Variants in DRD2 observed in about 807,000 individuals in gnomAD.
The protein encoded by DRD2 is dopamine receptor D2.
A neutral mutation model predicts 38.0 loss-of-function variants in DRD2; 8 were observed. The ratio of observed to expected loss-of-function variants is 0.21; its 90% CI spans 0.12 to 0.38. DRD2 has a LOEUF of 0.38. DRD2 is among the 10% of genes least tolerant of loss of function. DRD2 has a pLI of 1.00. For missense variants in DRD2, 403 were observed against 607.7 expected (o/e 0.66, Z 3.54); for synonymous variants, 230 against 238.6 (o/e 0.96, Z 0.33).
chr11:113,468,414 G>A (rs552951801), intron 1 of DRD2, among the ~76,000 whole-genome samples: 100 of 152,300 alleles, frequency 6.6e-4, no homozygotes, highest in African/African-American at 2.2e-3. Flanking sequence ...AGGTGAACAC[G>A]ATTATTACAG....
chr11:113,465,156 A>G (rs1330061335), intron 1 of DRD2, among the ~76,000 whole-genome samples: 1 of 150,938 alleles, frequency 6.6e-6, no homozygotes, highest in East Asian at 1.9e-4. Flanking sequence ...CCTAGGCTGG[A>G]GTGCAGTGGC....
chr11:113,421,415 T>C (rs976567036), intron 2 of DRD2, among the ~76,000 whole-genome samples: 3 of 152,196 alleles, frequency 2.0e-5, no homozygotes, highest in African/African-American at 4.8e-5. Flanking sequence ...TGAATAACTC[T>C]GAGATATTTG....
chr11:113,462,742 G>C (rs933581049), intron 1 of DRD2, among the ~76,000 whole-genome samples: 1 of 152,226 alleles, frequency 6.6e-6, no homozygotes, highest in Non-Finnish European at 1.5e-5. Context: ...GCCCACACAG[G>C]TGGGCAGCCA....
intron 1 of DRD2, among the ~76,000 whole-genome samples, chr11:113,453,716 G>T (rs746466776): frequency 6.6e-6 from 1 of 152,204 alleles, no homozygotes; most frequent in Non-Finnish European, 1.5e-5. Context: ...CGGAGATGCC[G>T]GCACACGGAA....
chr11:113,419,400 T>C (rs956595771), intron 2 of DRD2, among the ~76,000 whole-genome samples: 12 of 151,268 alleles, frequency 7.9e-5, no homozygotes, highest in African/African-American at 2.2e-4. Flanking sequence ...AAATGAAGAG[T>C]CTAGCTCCTG....
At chr11:113,414,237 C>T (rs1950799309) in intron 6 of DRD2, 138 bp downstream of exon 6, 1 of 818,842 alleles carries the variant, frequency 1.2e-6, no homozygotes, top group African/African-American at 1.7e-5. Context: ...CACGGTGAGT[C>T]TGCCTTCAGC....
chr11:113,454,276 T>C (rs1292967476), intron 1 of DRD2, among the ~76,000 whole-genome samples: 3 of 152,180 alleles, frequency 2.0e-5, no homozygotes, highest in Non-Finnish European at 4.4e-5. Context: ...CGCTTGAACC[T>C]GGGAGGTGGA....
At chr11:113,449,755 C>T (rs1335066405) in intron 1 of DRD2, among the ~76,000 whole-genome samples, 1 of 152,056 alleles carries the variant, frequency 6.6e-6, no homozygotes, top group Non-Finnish European at 1.5e-5. Flanking sequence ...GAATACCTAG[C>T]AAGTGGATAT....
At chr11:113,424,967 T>C (rs1403873617) in intron 1 of DRD2, 3 of 427,148 alleles carry the variant, frequency 7.0e-6, no homozygotes, top group African/African-American at 6.0e-5. Flanking sequence ...AACAAACACT[T>C]CTTAAGCACG....
chr11:113,437,219 A>C (rs1951047243), intron 1 of DRD2, among the ~76,000 whole-genome samples: 2 of 152,218 alleles, frequency 1.3e-5, no homozygotes, highest in South Asian at 4.1e-4. Flanking sequence ...TATGATCCCC[A>C]TGCTACAGAC....
intron 6 of DRD2, among the ~76,000 whole-genome samples, chr11:113,413,605 T>C (rs1591273256): frequency 6.6e-6 from 1 of 152,252 alleles, no homozygotes; most frequent in East Asian, 1.9e-4. Context: ...GGCTCTGTTT[T>C]GGCACCTGCC....
chr11:113,432,503 T>C (rs774388643), intron 1 of DRD2, among the ~76,000 whole-genome samples: 3 of 152,320 alleles, frequency 2.0e-5, no homozygotes, highest in Non-Finnish European at 4.4e-5. Context: ...GGAATCAAAT[T>C]GTCTAATTAA....
At chr11:113,454,517 TC>T (rs1951248722) in intron 1 of DRD2, among the ~76,000 whole-genome samples, 1 of 152,030 alleles carries the variant, frequency 6.6e-6, no homozygotes, top group Non-Finnish European at 1.5e-5. Flanking sequence ...GACCCACCCA[TC>T]CCCCTTGTGT....
intron 1 of DRD2, among the ~76,000 whole-genome samples, chr11:113,448,613 C>T (rs1269718694): frequency 6.6e-6 from 1 of 152,218 alleles, no homozygotes; most frequent in Admixed American, 6.5e-5. Flanking sequence ...AAGACAGAGC[C>T]AGAGGGCCTG....
At chr11:113,417,887 C>T in intron 3 of DRD2, 140 bp downstream of exon 3, 1 of 727,114 alleles carries the variant, frequency 1.4e-6, no homozygotes, top group Non-Finnish European at 2.4e-6. Flanking sequence ...CACACCCATA[C>T]ACACAAACAC....
At chr11:113,459,554 C>T (rs1440468262) in intron 1 of DRD2, among the ~76,000 whole-genome samples, 1 of 152,106 alleles carries the variant, frequency 6.6e-6, no homozygotes, top group Non-Finnish European at 1.5e-5. Flanking sequence ...AGTCCATTTT[C>T]CTTAGAAAGA....
chr11:113,435,908 G>A (rs985019438), intron 1 of DRD2, among the ~76,000 whole-genome samples: 1 of 152,140 alleles, frequency 6.6e-6, no homozygotes, highest in African/African-American at 2.4e-5. Context: ...TCCAGATGGA[G>A]GAAAAACAAT....
intron 1 of DRD2, among the ~76,000 whole-genome samples, chr11:113,443,700 T>C (rs986955748): frequency 6.6e-6 from 1 of 152,250 alleles, no homozygotes; most frequent in Non-Finnish European, 1.5e-5. Context: ...TGTCATTAGT[T>C]TAGCTCACTA....
chr11:113,434,028 C>A (rs1041411276), intron 1 of DRD2, among the ~76,000 whole-genome samples: 8 of 152,178 alleles, frequency 5.3e-5, no homozygotes, highest in African/African-American at 1.9e-4. Flanking sequence ...CATAGCACAC[C>A]CTGGCTGGCC....
Sources: gnomAD v4.1 joint callset for allele counts (sites outside exome capture counted in the v4.1 genomes callset) on GRCh38, gnomAD v4.1.1 for gene constraint, MANE v1.5 for transcripts, NCBI Gene and HGNC (gene_info 2026-07-23, HGNC 2026-07-21) for gene names.